SGIP1: variants seen among roughly 807,000 people sequenced by gnomAD.
SGIP1 encodes the protein SH3-containing GRB2-like protein 3-interacting protein 1.
In SGIP1, 38 loss-of-function variants were observed where a neutral mutation model predicts 107.5. That is an observed-to-expected ratio of 0.35 (90% CI 0.27 to 0.46). The LOEUF is 0.46. SGIP1 is among the 20% of genes least tolerant of loss of function. The probability of loss-of-function intolerance (pLI) is 1.00; values close to 1 mark genes in which losing one functional copy is unlikely to be tolerated. For missense variants in SGIP1, 929 were observed against 1,019.5 expected, an observed-to-expected ratio of 0.91 and a Z score of 1.21; for synonymous variants, 365 against 366.1, an observed-to-expected ratio of 1.00 and a Z score of 0.03.
At chr1:66,609,683 A>G (rs936469068) in intron 1 of SGIP1, among the ~76,000 whole-genome samples, 7 of 152,238 alleles carry the variant, frequency 4.6e-5, no homozygotes, top group African/African-American at 9.6e-5. Context: ...TAGCAACTCA[A>G]CAGAAGAGAC....
chr1:66,589,707 A>G (rs2063323092), intron 1 of SGIP1, among the ~76,000 whole-genome samples: 1 of 152,108 alleles, frequency 6.6e-6, no homozygotes, highest in Non-Finnish European at 1.5e-5. Flanking sequence ...TATTCCTAAG[A>G]TATTTTCTTT....
intron 15 of SGIP1, among the ~76,000 whole-genome samples, chr1:66,687,279 C>A (rs2088595221): frequency 6.7e-6 from 1 of 149,728 alleles, no homozygotes; most frequent in Non-Finnish European, 1.5e-5. Flanking sequence ...AAATAGAACA[C>A]CTCCTCCTCC....
At chr1:66,584,875 T>C (rs2062368451) in intron 1 of SGIP1, among the ~76,000 whole-genome samples, 1 of 152,200 alleles carries the variant, frequency 6.6e-6, no homozygotes, top group Non-Finnish European at 1.5e-5. Context: ...ACACCAGTGC[T>C]GTGTTGACCT....
chr1:66,660,857 A>C (rs1046647270), intron 8 of SGIP1, among the ~76,000 whole-genome samples: 1 of 152,224 alleles, frequency 6.6e-6, no homozygotes, highest in African/African-American at 2.4e-5. Flanking sequence ...CTACTTATAC[A>C]TATCATGAGC....
chr1:66,571,966 C>A (rs1052776377), intron 1 of SGIP1, among the ~76,000 whole-genome samples: 1 of 151,994 alleles, frequency 6.6e-6, no homozygotes, highest in African/African-American at 2.4e-5. Context: ...TAGTCATTTT[C>A]TTCAAGCTGC....
At chr1:66,551,720 C>A (rs1265326378) in intron 1 of SGIP1, among the ~76,000 whole-genome samples, 1 of 152,016 alleles carries the variant, frequency 6.6e-6, no homozygotes, top group Admixed American at 6.6e-5. Context: ...TAGGTGTTGC[C>A]TTTTTACTTG....
chr1:66,718,872 T>C (rs1047608377), intron 18 of SGIP1, among the ~76,000 whole-genome samples: 1 of 152,174 alleles, frequency 6.6e-6, no homozygotes, highest in Non-Finnish European at 1.5e-5. Context: ...TTGGCTGCTA[T>C]TCAAAATGAA....
At chr1:66,603,263 G>C (rs1207301651) in intron 1 of SGIP1, among the ~76,000 whole-genome samples, 2 of 152,086 alleles carry the variant, frequency 1.3e-5, no homozygotes, top group Non-Finnish European at 2.9e-5. Context: ...TGCTTATCAA[G>C]TAGAGATTTT....
intron 1 of SGIP1, among the ~76,000 whole-genome samples, chr1:66,551,192 A>G (rs1020310539): frequency 1.3e-5 from 2 of 152,140 alleles, no homozygotes; most frequent in African/African-American, 4.8e-5. Context: ...ATTGGTTTGT[A>G]GTTTCTCATA....
chr1:66,658,982 G>A (rs2080338568), intron 7 of SGIP1, among the ~76,000 whole-genome samples: 1 of 152,118 alleles, frequency 6.6e-6, no homozygotes, highest in Non-Finnish European at 1.5e-5. Context: ...TAAGTGCACG[G>A]CACATCCAAG....
chr1:66,575,681 G>C (rs984996050), intron 1 of SGIP1, among the ~76,000 whole-genome samples: 1 of 152,132 alleles, frequency 6.6e-6, no homozygotes, highest in Non-Finnish European at 1.5e-5. Flanking sequence ...TTCTAACGCT[G>C]TATACCCTAA....
chr1:66,747,819 T>A lies in SGIP1; in HGVS notation c.*4724T>A, dbSNP rs1301330039. On this transcript the variant is annotated 3_prime_UTR_variant, in exon 25 of 25. Coordinates refer to ENST00000371037, the MANE Select transcript of SGIP1 (RefSeq NM_032291.4). The stretch of plus-strand genomic sequence containing the variant: ...TTAAGCTTTTCCTTTTCCAAAAGAT[T>A]ATACATTTGAGCAAAATCCCATTCA... The A allele has an allele frequency of 1.3e-5, 2 of 152,012 alleles. No individual in the cohort carries two copies. The highest frequency in any genetic ancestry group is 2.9e-5 in the Non-Finnish European group (2 of 67,880). 9.4% of individuals were successfully genotyped at this position (152,012 alleles called of 1,614,324 possible). A position where few individuals can be genotyped will look rare whatever the true frequency, so the allele number is the denominator to read the frequency against.
intron 8 of SGIP1, among the ~76,000 whole-genome samples, chr1:66,663,390 A>T (rs1053174192): frequency 2.6e-5 from 4 of 152,210 alleles, no homozygotes; most frequent in Non-Finnish European, 5.9e-5. Flanking sequence ...AGGCTTTGAC[A>T]TTCTTGGGAA....
chr1:66,551,915 A>G (rs774032418), intron 1 of SGIP1, among the ~76,000 whole-genome samples: 45 of 152,170 alleles, frequency 3.0e-4, no homozygotes, highest in Non-Finnish European at 5.9e-4. Context: ...TTCATTATTA[A>G]TTATTCTGCA....
At chr1:66,544,014 A>G (rs144861848) in intron 1 of SGIP1, among the ~76,000 whole-genome samples, 1 of 152,240 alleles carries the variant, frequency 6.6e-6, no homozygotes, top group African/African-American at 2.4e-5. Context: ...CCATTGTTCT[A>G]TTGGGTGTTA....
intron 18 of SGIP1, among the ~76,000 whole-genome samples, chr1:66,711,348 C>G (rs2092906302): frequency 6.6e-6 from 1 of 152,102 alleles, no homozygotes; most frequent in Non-Finnish European, 1.5e-5. Flanking sequence ...AGCTGAAACT[C>G]AGAGAGGTCA....
chr1:66,741,231 T>G (rs1281186149), intron 23 of SGIP1, 41 bp from the exon 24 acceptor site: 1 of 1,514,440 alleles, frequency 6.6e-7, no homozygotes, highest in South Asian at 1.3e-5. Context: ...ATCCGAAATA[T>G]TATGTTGACT....
intron 1 of SGIP1, among the ~76,000 whole-genome samples, chr1:66,594,711 G>A (rs757911554): frequency 2.6e-5 from 4 of 152,108 alleles, no homozygotes; most frequent in Admixed American, 6.6e-5. Flanking sequence ...GAGAAAGAGC[G>A]GCAGTGGAGA....
chr1:66,741,263 T>A lies in SGIP1; in HGVS notation c.2300-9T>A, dbSNP rs747751370. ...GACTGTTACCTTGTAATAATGTGTT[T>A]TTTTTTAGGGGTGGGTTCTTTGTTG... On this transcript the variant is annotated splice_polypyrimidine_tract_variant and intron_variant, in intron 23 of 24. Coordinates refer to ENST00000371037, the MANE Select transcript of SGIP1 (RefSeq NM_032291.4). 2 of 1,567,518 alleles carry A rather than the reference T, an allele frequency of 1.3e-6. No individual in the cohort carries two copies. Among genetic ancestry groups the A allele is most frequent in the South Asian group, 2.4e-5 (2 of 83,778 alleles).
Sources: allele counts gnomAD v4.1 joint callset (sites outside exome capture counted in the v4.1 genomes callset), GRCh38; gene constraint gnomAD v4.1.1; transcripts MANE v1.5; gene names NCBI Gene and HGNC (gene_info 2026-07-23, HGNC 2026-07-21).